MLIP: variants seen among roughly 807,000 people sequenced by gnomAD.
MLIP encodes the protein muscular LMNA interacting protein.
Under a neutral mutation model 84.8 loss-of-function variants are expected in MLIP, and 79 were observed. The ratio of observed to expected loss-of-function variants is 0.93; its 90% confidence interval spans 0.78 to 1.12. The LOEUF is 1.12. Among genes scored for constraint, MLIP ranks in the 50% most tolerant of loss-of-function variants. The pLI is 0.00. For synonymous variants in MLIP, 504 were observed against 463.0 expected, an observed-to-expected ratio of 1.09 and a Z score of -1.14; for missense variants, 1,257 against 1,160.6, an observed-to-expected ratio of 1.08 and a Z score of -1.21.
intron 1 of MLIP, among the ~76,000 whole-genome samples, chr6:54,036,140 T>C (rs545431081): frequency 5.9e-5 from 9 of 152,040 alleles, no homozygotes; most frequent in African/African-American, 1.9e-4. Flanking sequence ...ATCTATGAAA[T>C]GAAGATAATA....
chr6:54,244,108 G>A (rs975995433), intron 12 of MLIP, among the ~76,000 whole-genome samples: 2 of 152,008 alleles, frequency 1.3e-5, no homozygotes, highest in Non-Finnish European at 2.9e-5. Context: ...AATTTTGGAG[G>A]CAAAAACATC....
intron 11 of MLIP, among the ~76,000 whole-genome samples, chr6:54,202,665 G>A (rs1000700530): frequency 6.6e-6 from 1 of 151,950 alleles, no homozygotes; most frequent in African/African-American, 2.4e-5. Context: ...AGCCAAGGCA[G>A]GAGTATTGCT....
At chr6:54,193,192 C>G (rs1021723619) in intron 10 of MLIP, among the ~76,000 whole-genome samples, 3 of 152,126 alleles carry the variant, frequency 2.0e-5, no homozygotes, top group Admixed American at 2.0e-4. Context: ...ATCTTAGCTT[C>G]TCTTCTACTA....
chr6:54,222,811 T>C (rs541739419), intron 11 of MLIP, among the ~76,000 whole-genome samples: 2 of 152,170 alleles, frequency 1.3e-5, no homozygotes, highest in South Asian at 2.1e-4. Flanking sequence ...TTTTCCTTAC[T>C]GACTTACCAA....
intron 12 of MLIP, among the ~76,000 whole-genome samples, chr6:54,239,723 G>A (rs1042405608): frequency 7.2e-5 from 11 of 151,890 alleles, no homozygotes; most frequent in African/African-American, 2.7e-4. Context: ...GGAGGTGGAG[G>A]TTGCAGTGAG....
At chr6:54,050,788 ACT>A (rs1176882830) in intron 1 of MLIP, among the ~76,000 whole-genome samples, 2 of 152,200 alleles carry the variant, frequency 1.3e-5, no homozygotes, top group East Asian at 3.9e-4. Flanking sequence ...ATTCCCCTAC[ACT>A]CTGAGGTTTT....
intron 5 of MLIP, among the ~76,000 whole-genome samples, chr6:54,154,141 A>G (rs1484315132): frequency 2.0e-5 from 3 of 152,116 alleles, no homozygotes; most frequent in East Asian, 1.9e-4. Context: ...GAAGAGGCAG[A>G]TATACTATAT....
intron 1 of MLIP, among the ~76,000 whole-genome samples, chr6:54,070,272 C>T (rs1440668462): frequency 1.3e-5 from 2 of 152,112 alleles, no homozygotes; most frequent in East Asian, 1.9e-4. Context: ...GCCTTAGAAT[C>T]GGGATGATCT....
chr6:54,131,854 G>A (rs909249933), intron 3 of MLIP, among the ~76,000 whole-genome samples: 6 of 152,156 alleles, frequency 3.9e-5, no homozygotes, highest in Admixed American at 2.0e-4. Context: ...GCTGTTTTCA[G>A]CTAGGTGGTT....
At chr6:54,070,273 G>A (rs1041033389) in intron 1 of MLIP, among the ~76,000 whole-genome samples, 3 of 152,028 alleles carry the variant, frequency 2.0e-5, no homozygotes, top group Non-Finnish European at 4.4e-5. Flanking sequence ...CCTTAGAATC[G>A]GGATGATCTA....
chr6:54,100,029 G>T (rs1453158840), intron 1 of MLIP, among the ~76,000 whole-genome samples: 2 of 152,098 alleles, frequency 1.3e-5, no homozygotes, highest in Non-Finnish European at 2.9e-5. Flanking sequence ...GCATGCATTG[G>T]TTCTACGTAC....
chr6:54,127,311 T>G (rs938222251), intron 3 of MLIP, among the ~76,000 whole-genome samples: 3 of 152,196 alleles, frequency 2.0e-5, no homozygotes, highest in African/African-American at 7.2e-5. Context: ...AAAACTACAT[T>G]AAATCAAGTT....
intron 11 of MLIP, among the ~76,000 whole-genome samples, chr6:54,214,453 A>T (rs1351347075): frequency 6.6e-6 from 1 of 152,170 alleles, no homozygotes; most frequent in Non-Finnish European, 1.5e-5. Flanking sequence ...CTCAGTGCTG[A>T]CAGTGGTCAT....
At chr6:54,105,666 C>T (rs1768956996) in intron 1 of MLIP, among the ~76,000 whole-genome samples, 1 of 152,106 alleles carries the variant, frequency 6.6e-6, no homozygotes, top group African/African-American at 2.4e-5. Flanking sequence ...GTAGAGAGTG[C>T]TGGCAGGGGG....
At chr6:54,021,121 G>T (rs187279767) in intron 1 of MLIP, among the ~76,000 whole-genome samples, 1 of 152,064 alleles carries the variant, frequency 6.6e-6, no homozygotes, top group Non-Finnish European at 1.5e-5. Flanking sequence ...TCAGTTCATC[G>T]AGCATTATGT....
chr6:54,150,259 G>T (rs933778904), intron 5 of MLIP, among the ~76,000 whole-genome samples: 2 of 152,164 alleles, frequency 1.3e-5, no homozygotes, highest in African/African-American at 4.8e-5. Context: ...TTGAACTGGA[G>T]GTTCACTAGG....
chr6:54,228,464 A>G (rs1296724725), intron 11 of MLIP, among the ~76,000 whole-genome samples: 1 of 152,190 alleles, frequency 6.6e-6, no homozygotes, highest in African/African-American at 2.4e-5. Flanking sequence ...CCAAGTGCTG[A>G]TAAGATTCTG....
In MLIP at chr6:54,137,689, A is replaced by T; in HGVS notation, c.1620A>T (p.Leu540=). ...AGAGCAATACCATGCTCTCCCTGCT[A>T]CAAACCAGTACATCCAGTTCTGTGG... is the stretch of plus-strand genomic sequence containing the variant. The part of the protein sequence containing the change: ...TLKSNTMLSL[L]QTSTSSSVGL... Residue 540 remains leucine, a synonymous_variant, in exon 4 of 14, where the codon CTA becomes CTT. Coordinates refer to ENST00000502396, the MANE Select transcript of MLIP (RefSeq NM_001281747.2). 1 of 1,536,096 alleles carries T rather than the reference A, an allele frequency of 6.5e-7. No homozygotes were observed. Among genetic ancestry groups the T allele is most frequent in the Non-Finnish European group, 8.7e-7 (1 of 1,146,880 alleles).
intron 1 of MLIP, among the ~76,000 whole-genome samples, chr6:54,033,725 T>C (rs1764270343): frequency 6.6e-6 from 1 of 152,112 alleles, no homozygotes; most frequent in African/African-American, 2.4e-5. Flanking sequence ...TATGATGATT[T>C]CCTATTCTCC....
Sources: allele counts gnomAD v4.1 joint callset (sites outside exome capture counted in the v4.1 genomes callset), GRCh38; gene constraint gnomAD v4.1.1; transcripts MANE v1.5; gene names NCBI Gene and HGNC (gene_info 2026-07-23, HGNC 2026-07-21).